Variants in PRKN observed in about 807,000 individuals in gnomAD.
PRKN encodes the protein parkin RBR E3 ubiquitin protein ligase.
PRKN carries 56 observed loss-of-function variants against 59.5 expected under a neutral mutation model. The ratio of observed to expected loss-of-function variants is 0.94; its 90% confidence interval spans 0.76 to 1.18. The LOEUF is 1.18. PRKN is among the 50% of genes most tolerant of loss of function. The pLI is 0.00. For missense variants in PRKN, 657 were observed against 596.4 expected (o/e 1.10, Z -1.06); for synonymous variants, 250 against 222.1 (o/e 1.13, Z -1.12).
chr6:161,950,746 T>G (rs959129843), intron 6 of PRKN, among the ~76,000 whole-genome samples: 1 of 152,062 alleles, frequency 6.6e-6, no homozygotes, highest in African/African-American at 2.4e-5. Context: ...GGGAAACATT[T>G]AAATATTTAC....
chr6:162,393,152 A>ATTTTTTTTTT (rs1369959830), intron 2 of PRKN, among the ~76,000 whole-genome samples: 9 of 78,098 alleles, frequency 1.2e-4, no homozygotes, highest in East Asian at 7.8e-4. Flanking sequence ...AGGATAGGAG[A>ATTTTTTTTTT]TTCTTTTTTT....
rs554718524 is a variant in PRKN, at chr6:161,906,703, G to T, written c.734+66599C>A. On this transcript the variant is annotated intron_variant, in intron 6 of 11. Transcript: ENST00000366898. ...ATATATGAGTTTATTTAGTAGTATT[G>T]ACTCACAAGATCACAAGATAAGGAG... Among the ~76,000 whole-genome samples the T allele has an allele frequency of 2.5e-3, 283 of 115,410 alleles. 1 individual carries two copies. The highest frequency in any genetic ancestry group is 3.9e-3 in the Admixed American group (47 of 12,074). The allele number at this position is 115,410 out of a possible 152,430, so 75.7% of individuals were successfully genotyped here. A position where few individuals can be genotyped will look rare whatever the true frequency, so the allele number is the denominator to read the frequency against.
At chr6:162,213,176 T>C (rs974488692) in intron 3 of PRKN, among the ~76,000 whole-genome samples, 90 of 152,056 alleles carry the variant, frequency 5.9e-4, no homozygotes, top group Admixed American at 2.3e-3. Flanking sequence ...GGTTAGAAAG[T>C]GGGGTGGTGG....
At chr6:161,500,876 CTTTTTTTTTTTTTTTTT>C (rs1766161559) in intron 9 of PRKN, among the ~76,000 whole-genome samples, 1 of 115,402 alleles carries the variant, frequency 8.7e-6, no homozygotes, top group South Asian at 2.9e-4. Flanking sequence ...TTTTTTTTTT[CTTTTTTTTTTTTTTTTT>C]GAGACCAAGT....
intron 5 of PRKN, among the ~76,000 whole-genome samples, chr6:162,025,084 C>T (rs1783375657): frequency 6.8e-6 from 1 of 147,434 alleles, no homozygotes; most frequent in Non-Finnish European, 1.5e-5. Flanking sequence ...GGCGCAATCT[C>T]GGCTCACTGC....
intron 1 of PRKN, among the ~76,000 whole-genome samples, chr6:162,722,912 T>C (rs937772157): frequency 6.6e-6 from 1 of 152,184 alleles, no homozygotes. Flanking sequence ...AAATCTTCTA[T>C]GCAAAACTTT....
In PRKN at chr6:161,360,181, C is replaced by A. The variant is rs571092914; in HGVS notation, c.1192G>T (p.Ala398Ser). 1.9e-6 allele frequency: 3 copies of A among 1,614,064 alleles called. No individual in the cohort carries two copies. Among genetic ancestry groups the A allele is most frequent in the Non-Finnish European group, 2.5e-6 (3 of 1,179,886 alleles). Residue 398 changes from alanine (A) to serine (S), a missense_variant, in exon 11 of 12, where the codon GCC (alanine) becomes TCC (serine). Coordinates refer to ENST00000366898, the MANE Select transcript of PRKN (RefSeq NM_004562.3). The surrounding 1 kb of genome is among the most constrained non-coding windows in gnomAD (Gnocchi z 5.1). ...TQAYRVDERAAEQARWEAASK... is the reference protein window; with the variant it reads ...TQAYRVDERASEQARWEAASK... Reference sequence around the variant, plus strand: ...GCTGCTTCCCAACGAGCCTGCTCGGCGGCTCTTTCATCGACTCTGTAGGCC... The same window carrying A: ...GCTGCTTCCCAACGAGCCTGCTCGGAGGCTCTTTCATCGACTCTGTAGGCC...
At chr6:162,163,042 TA>T (rs1208399654) in intron 4 of PRKN, among the ~76,000 whole-genome samples, 1 of 149,024 alleles carries the variant, frequency 6.7e-6, no homozygotes. Context: ...AAATTTCTCA[TA>T]GGACTACAGT....
At chr6:161,695,528 G>A (rs1024071198) in intron 7 of PRKN, among the ~76,000 whole-genome samples, 1 of 152,176 alleles carries the variant, frequency 6.6e-6, no homozygotes, top group Non-Finnish European at 1.5e-5. Context: ...CCAGCAAAGT[G>A]AATGCAAGTT....
chr6:161,520,429 T>C (rs922211738), intron 9 of PRKN, among the ~76,000 whole-genome samples: 6 of 152,006 alleles, frequency 3.9e-5, no homozygotes, highest in East Asian at 3.9e-4. Flanking sequence ...GGTTTCACCA[T>C]GTTGGCCAGG....
chr6:162,051,312 C>T lies in PRKN; in HGVS notation c.618+2779G>A, dbSNP rs530119732. On this transcript the variant is annotated intron_variant, in intron 5 of 11. Coordinates refer to ENST00000366898, the MANE Select transcript of PRKN (RefSeq NM_004562.3). ...TCAGCCACGCTCAGGCCTTAAGCAT[C>T]CCGAATGCTCACACTGGAGAGATGC... 3.9e-5 allele frequency among the ~76,000 whole-genome samples: 6 copies of T among 152,254 alleles called. No individual in the cohort carries two copies. In the South Asian group the frequency reaches 8.3e-4, roughly 21 times the overall value.
chr6:162,372,771 A>C (rs1442168768), intron 2 of PRKN, among the ~76,000 whole-genome samples: 2 of 152,242 alleles, frequency 1.3e-5, no homozygotes, highest in Non-Finnish European at 2.9e-5. Flanking sequence ...AATTTTTTAA[A>C]ATACAGTTAA....
Position 162,610,586 on chromosome 6 carries a change from T to C in PRKN, c.7+117076A>G, listed in dbSNP as rs371876592. 7.2e-4 allele frequency among the ~76,000 whole-genome samples: 110 copies of C among 152,262 alleles called. No homozygotes were observed. In the East Asian group the frequency reaches 0.01, roughly 14 times the overall value. ...TAGTAACCATAGCAACAAAGTAAGA[T>C]GGGTTTGCAAAGTGAAAAGTATCCT... On this transcript the variant is annotated intron_variant, in intron 1 of 11. Transcript: ENST00000366898.
chr6:162,218,220 G>A (rs1406756638), intron 3 of PRKN, among the ~76,000 whole-genome samples: 1 of 152,204 alleles, frequency 6.6e-6, no homozygotes, highest in African/African-American at 2.4e-5. Context: ...CCCTGCGGAA[G>A]CCCCTCTGGG....
rs1403990648 is a variant in PRKN, at chr6:161,467,167, G to GT, written c.1084-80291dup. On this transcript the variant is annotated intron_variant, in intron 9 of 11. Coordinates refer to ENST00000366898, the MANE Select transcript of PRKN (RefSeq NM_004562.3). This position sits in a 1 kb window ranked among gnomAD's most constrained non-coding sequence, Gnocchi z 4.3. ...GAGCCATTTGTGCTGACGAATAGTT[G>GT]TTTTTTTCAATGTACTGGGAAAGTG... 6.6e-6 allele frequency among the ~76,000 whole-genome samples: 1 copy of GT among 152,104 alleles called. No individual in the cohort carries two copies. Among genetic ancestry groups the GT allele is most frequent in the African/African-American group, 2.4e-5 (1 of 41,420 alleles).
At chr6:162,513,493 AGG>A (rs879726375) in intron 1 of PRKN, among the ~76,000 whole-genome samples, 14,963 of 149,116 alleles carry the variant, frequency 0.1, 1,074 homozygotes, top group South Asian at 0.19. Context: ...AAAAGAAAAG[AGG>A]GAAAGAAAGA....
At chr6:162,192,442 ATTTT>A (rs10534285) in intron 4 of PRKN, among the ~76,000 whole-genome samples, 114 of 74,702 alleles carry the variant, frequency 1.5e-3, no homozygotes, top group African/African-American at 6.7e-3. Context: ...AATTATAGGG[ATTTT>A]TTTTTTTTTT....
intron 2 of PRKN, among the ~76,000 whole-genome samples, chr6:162,317,496 C>T (rs913920984): frequency 6.6e-6 from 1 of 151,944 alleles, no homozygotes; most frequent in Non-Finnish European, 1.5e-5. Context: ...TCTTTATTAG[C>T]AGCATGAAAA....
At chr6:162,711,999 G>A (rs1365194381) in intron 1 of PRKN, among the ~76,000 whole-genome samples, 1 of 152,148 alleles carries the variant, frequency 6.6e-6, no homozygotes, top group Non-Finnish European at 1.5e-5. Context: ...AGTCAATACT[G>A]CAGGTTGGCT....
Sources: gnomAD v4.1 joint callset for allele counts (sites outside exome capture counted in the v4.1 genomes callset) on GRCh38, gnomAD v4.1.1 for gene constraint, Gnocchi (gnomAD v3.1) non-coding constraint, MANE v1.5 for transcripts, NCBI Gene and HGNC (gene_info 2026-07-23, HGNC 2026-07-21) for gene names.